The following RORA variants were observed in gnomAD, a reference collection of about 807,000 sequenced individuals.
RORA encodes nuclear receptor ROR-alpha.
Under a neutral mutation model 69.5 loss-of-function variants are expected in RORA, and 7 were observed. That is an observed-to-expected ratio of 0.10 (90% CI 0.06 to 0.19). The LOEUF (loss-of-function observed/expected upper bound fraction) is 0.19. RORA is among the 10% of genes least tolerant of loss of function. The pLI is 1.00. For missense variants in RORA, 457 were observed against 663.0 expected (o/e 0.69, Z 3.41); for synonymous variants, 261 against 240.8 (o/e 1.08, Z -0.78).
rs1440847508 is a variant in RORA at position 61,061,079 on chromosome 15, C to T, written c.166+167974G>A. ...ATTAAAGGGCATTGCAAGGGCTGGG[C>T]GCGGTGGCTCGTGCCTGTAATCCCA... On this transcript the variant is annotated intron_variant, in intron 1 of 10. Transcript: ENST00000335670. This position sits in a 1 kb window ranked among gnomAD's most constrained non-coding sequence, Gnocchi z 4.4. Among the ~76,000 whole-genome samples, 10 of 152,148 alleles carry T rather than the reference C, an allele frequency of 6.6e-5. No homozygotes were observed. Among genetic ancestry groups the T allele is most frequent in the African/African-American group, 2.2e-4 (9 of 41,432 alleles).
intron 2 of RORA, among the ~76,000 whole-genome samples, chr15:60,613,708 G>C: frequency 7.2e-6 from 1 of 138,696 alleles, no homozygotes; most frequent in Admixed American, 7.0e-5. Context: ...GTGTGTGTGT[G>C]TGTGTGTGTG....
intron 1 of RORA, among the ~76,000 whole-genome samples, chr15:61,124,107 C>G (rs1350482591): frequency 2.0e-5 from 3 of 152,214 alleles, no homozygotes; most frequent in Non-Finnish European, 2.9e-5. Flanking sequence ...CCCTTCAAAG[C>G]AGATTTCCCT....
chr15:60,600,679 T>C (rs2068790580), intron 2 of RORA, among the ~76,000 whole-genome samples: 1 of 152,176 alleles, frequency 6.6e-6, no homozygotes, highest in Non-Finnish European at 1.5e-5. Context: ...AATCTCTTCC[T>C]ACATTTTGTA....
chr15:60,615,541 T>C (rs991538501), intron 2 of RORA, among the ~76,000 whole-genome samples: 4 of 152,122 alleles, frequency 2.6e-5, no homozygotes, highest in African/African-American at 9.7e-5. Context: ...AGGCTGATAA[T>C]GGGATTTGCG....
At chr15:60,828,885 C>T (rs1479907530) in intron 1 of RORA, among the ~76,000 whole-genome samples, 1 of 152,184 alleles carries the variant, frequency 6.6e-6, no homozygotes, top group Non-Finnish European at 1.5e-5. Flanking sequence ...TCATTATGGT[C>T]TCAGGGCAAC....
chr15:61,215,050 T>C (rs2140941241), intron 1 of RORA, among the ~76,000 whole-genome samples: 1 of 143,842 alleles, frequency 7.0e-6, no homozygotes, highest in African/African-American at 2.6e-5. Context: ...TTTTTTTTTT[T>C]TTTTTTGTAT....
intron 1 of RORA, among the ~76,000 whole-genome samples, chr15:60,914,062 A>G (rs1228242047): frequency 2.0e-5 from 3 of 152,136 alleles, no homozygotes; most frequent in Non-Finnish European, 2.9e-5. Flanking sequence ...CTGGCAATAG[A>G]TGATCTGCAC....
At chr15:60,611,318 C>G (rs2069080057) in intron 2 of RORA, among the ~76,000 whole-genome samples, 1 of 151,910 alleles carries the variant, frequency 6.6e-6, no homozygotes, top group African/African-American at 2.4e-5. Flanking sequence ...CTTGGTTGTT[C>G]ATTTCATATC....
At chr15:60,754,816 A>G (rs1460715203) in intron 1 of RORA, among the ~76,000 whole-genome samples, 1 of 152,122 alleles carries the variant, frequency 6.6e-6, no homozygotes, top group East Asian at 1.9e-4. Flanking sequence ...CAAAGCTGGA[A>G]ATAGGGCTCC....
At chr15:60,709,929 C>T (rs1053666231) in intron 1 of RORA, among the ~76,000 whole-genome samples, 1 of 152,090 alleles carries the variant, frequency 6.6e-6, no homozygotes, top group Non-Finnish European at 1.5e-5. Flanking sequence ...TTGCTTTAGA[C>T]CACCCTGCCT....
At chr15:60,959,985 C>G (rs780369051) in intron 1 of RORA, among the ~76,000 whole-genome samples, 2 of 152,122 alleles carry the variant, frequency 1.3e-5, no homozygotes, top group Non-Finnish European at 2.9e-5. Flanking sequence ...TCTATACTTC[C>G]CTATAGCCAG....
chr15:61,076,652 G>T (rs867976738), intron 1 of RORA, among the ~76,000 whole-genome samples: 7 of 152,200 alleles, frequency 4.6e-5, no homozygotes, highest in Non-Finnish European at 7.3e-5. Flanking sequence ...TTAATTTTCA[G>T]TGATACCATC....
At chr15:60,783,609 G>A (rs949043376) in intron 1 of RORA, among the ~76,000 whole-genome samples, 2 of 152,122 alleles carry the variant, frequency 1.3e-5, no homozygotes, top group Non-Finnish European at 2.9e-5. Context: ...TTAAAACGTC[G>A]CATCCTTGAG....
chr15:60,541,648 TAAG>T (rs781444323), intron 2 of RORA, among the ~76,000 whole-genome samples: 3 of 152,196 alleles, frequency 2.0e-5, no homozygotes, highest in Non-Finnish European at 4.4e-5. Flanking sequence ...TTGCGAGACA[TAAG>T]GAGAAGAAAT....
chr15:60,752,692 T>A (rs1480453188), intron 1 of RORA, among the ~76,000 whole-genome samples: 1 of 143,850 alleles, frequency 7.0e-6, no homozygotes, highest in African/African-American at 2.6e-5. Context: ...AGAGCACTGC[T>A]GGGAAAACAA....
rs1367087013 is a variant in RORA, at chr15:60,495,843, C to G, written c.*1612G>C. On this transcript the variant is annotated 3_prime_UTR_variant, in exon 11 of 11. Coordinates refer to ENST00000335670, the MANE Select transcript of RORA (RefSeq NM_134261.3). ...TATCAGACTATTCCTTTCCCCTTCC[C>G]CCACTAGGGATCATTAAAAAAAAAA... 1 of 116,282 alleles carries G rather than the reference C, an allele frequency of 8.6e-6. No individual in the cohort carries two copies. Among genetic ancestry groups the G allele is most frequent in the African/African-American group, 3.4e-5 (1 of 29,004 alleles). The allele number at this position is 116,282 out of a possible 1,614,324, so 7.2% of individuals were successfully genotyped here. A position where few individuals can be genotyped will look rare whatever the true frequency, so the allele number is the denominator to read the frequency against.
intron 1 of RORA, among the ~76,000 whole-genome samples, chr15:61,107,864 C>G (rs2078966574): frequency 6.6e-6 from 1 of 152,044 alleles, no homozygotes; most frequent in Admixed American, 6.6e-5. Flanking sequence ...TCCATTCACT[C>G]CATCCACCAG....
At chr15:60,567,274 A>T (rs2067740925) in intron 2 of RORA, among the ~76,000 whole-genome samples, 1 of 151,554 alleles carries the variant, frequency 6.6e-6, no homozygotes, top group South Asian at 2.1e-4. Context: ...TTTCCAAAGC[A>T]TATGTGCCGT....
At chr15:60,843,569 G>A (rs1002116309) in intron 1 of RORA, among the ~76,000 whole-genome samples, 1 of 152,142 alleles carries the variant, frequency 6.6e-6, no homozygotes, top group Non-Finnish European at 1.5e-5. Context: ...CTGCCCAAGG[G>A]CAAGATGAGT....
Sources: allele counts gnomAD v4.1 joint callset (sites outside exome capture counted in the v4.1 genomes callset), GRCh38; gene constraint gnomAD v4.1.1; non-coding constraint Gnocchi (gnomAD v3.1); transcripts MANE v1.5; gene names NCBI Gene and HGNC (gene_info 2026-07-23, HGNC 2026-07-21).